The following DHX35 variants were observed in gnomAD, a reference collection of about 807,000 sequenced individuals.
DHX35 encodes the protein DEAH-box helicase 35.
DHX35 carries 84 observed loss-of-function variants against 99.6 expected under a neutral mutation model. That is an observed-to-expected ratio of 0.84 (90% CI 0.71 to 1.01). The LOEUF is 1.01. DHX35 is among the 50% of genes least tolerant of loss of function. DHX35 has a pLI of 0.00. For synonymous variants in DHX35, 331 were observed against 316.2 expected (o/e 1.05, Z -0.50); for missense variants, 852 against 888.5 (o/e 0.96, Z 0.52).
At chr20:39,027,099 C>T (rs1336986914) in intron 18 of DHX35, among the ~76,000 whole-genome samples, 1 of 152,150 alleles carries the variant, frequency 6.6e-6, no homozygotes, top group Non-Finnish European at 1.5e-5. Context: ...GAACCAGTTT[C>T]CACCCCTTTG....
chr20:39,038,533 A>G lies in DHX35; in HGVS notation c.2102A>G (p.Gln701Arg). 1 of 1,612,840 alleles carries G rather than the reference A, an allele frequency of 6.2e-7. No homozygotes were observed. The highest frequency in any genetic ancestry group is 8.5e-7 in the Non-Finnish European group (1 of 1,179,982). The change falls in exon 22 of 22, where the codon CAG (glutamine) becomes CGG (arginine). Residue 701 changes from glutamine (Q) to arginine (R), a missense_variant. Physicochemically the swap from Gln to Arg is conservative, Grantham distance 43 (BLOSUM62 1). Transcript: ENST00000252011. ...LSLKAKRAKVQDP is the reference protein window; with the variant it reads ...LSLKAKRAKVRDP ...CTGAAAGCCAAAAGGGCCAAGGTCC[A>G]GGACCCGTGAGAGGAGCCCACAGCT...
intron 8 of DHX35, among the ~76,000 whole-genome samples, chr20:38,997,046 T>TTTTATTTACTTATTTATTTA (rs1038691751): frequency 6.7e-6 from 1 of 148,910 alleles, no homozygotes; most frequent in African/African-American, 2.5e-5. Context: ...CTTAGATTCA[T>TTTTATTTACTTATTTATTTA]TTTATTTATT....
intron 20 of DHX35, among the ~76,000 whole-genome samples, chr20:39,033,962 G>A (rs575920944): frequency 5.3e-5 from 8 of 152,272 alleles, no homozygotes; most frequent in African/African-American, 1.2e-4. Context: ...AAGGTCCTTC[G>A]CGGATAACTG....
chr20:38,965,804 A>C (rs149923018), intron 1 of DHX35, among the ~76,000 whole-genome samples: 1 of 152,308 alleles, frequency 6.6e-6, no homozygotes, highest in East Asian at 1.9e-4. Context: ...TTTTCTACAA[A>C]AATCTTTTAC....
At chr20:39,035,104 C>T (rs1194681795) in intron 21 of DHX35, among the ~76,000 whole-genome samples, 1 of 151,440 alleles carries the variant, frequency 6.6e-6, no homozygotes, top group Non-Finnish European at 1.5e-5. Context: ...CAGAGTCTTG[C>T]CCTGTCATCC....
At chr20:38,989,562 C>CAAGAA (rs2086306220) in intron 5 of DHX35, among the ~76,000 whole-genome samples, 1 of 152,100 alleles carries the variant, frequency 6.6e-6, no homozygotes, top group East Asian at 1.9e-4. Context: ...GTGATAGGAC[C>CAAGAA]AAGACTCAAA....
intron 12 of DHX35, 42 bp from the exon 13 acceptor site, chr20:39,010,238 T>G: frequency 6.2e-7 from 1 of 1,613,862 alleles, no homozygotes. Flanking sequence ...TGCATTTGAT[T>G]GTGACATTTG....
intron 3 of DHX35, among the ~76,000 whole-genome samples, chr20:38,983,062 A>AT (rs2086197994): frequency 6.6e-6 from 1 of 151,956 alleles, no homozygotes; most frequent in Non-Finnish European, 1.5e-5. Flanking sequence ...AGTAGTCACG[A>AT]TTACAGGCAT....
intron 15 of DHX35, among the ~76,000 whole-genome samples, chr20:39,020,367 A>T (rs141596775): frequency 6.6e-6 from 1 of 152,242 alleles, no homozygotes; most frequent in East Asian, 1.9e-4. Context: ...TTCTGCCAGC[A>T]GTACACGAGG....
chr20:39,004,058 T>G, intron 11 of DHX35, 151 bp downstream of exon 11: 1 of 924,118 alleles, frequency 1.1e-6, no homozygotes, highest in Non-Finnish European at 1.6e-6. Context: ...AAATAATACA[T>G]TGTGAAGATT....
chr20:39,031,380 C>G (rs2087050376), intron 20 of DHX35, among the ~76,000 whole-genome samples: 1 of 147,876 alleles, frequency 6.8e-6, no homozygotes, highest in Admixed American at 6.8e-5. Context: ...GTCGCCCAGG[C>G]TGGAGTGCAG....
At chr20:39,035,289 C>T (rs897948418) in intron 21 of DHX35, among the ~76,000 whole-genome samples, 12 of 152,106 alleles carry the variant, frequency 7.9e-5, no homozygotes, top group African/African-American at 2.7e-4. Context: ...CCAGGCTGGT[C>T]TTGAACTCCT....
chr20:39,012,455 A>C (rs1253824772), intron 13 of DHX35, among the ~76,000 whole-genome samples: 1 of 152,188 alleles, frequency 6.6e-6, no homozygotes, highest in African/African-American at 2.4e-5. Context: ...AATTTCAACT[A>C]TCATTAGGAC....
Position 38,969,223 on chromosome 20 carries a change from A to G in DHX35, c.174+9A>G, listed in dbSNP as rs369702252. Reference sequence around the variant, plus strand: ...AGCTGCCGGTATTCAAGGTACGTCAAATAATCATGTTCAACCTGTGGGCTT... The same window carrying G: ...AGCTGCCGGTATTCAAGGTACGTCAGATAATCATGTTCAACCTGTGGGCTT... On this transcript the variant is annotated intron_variant, in intron 2 of 21. Transcript: ENST00000252011. The G allele has an allele frequency of 2.4e-5, 38 of 1,605,636 alleles. No individual in the cohort carries two copies. The highest frequency in any genetic ancestry group is 3.2e-5 in the Non-Finnish European group (38 of 1,174,420).
At chr20:39,036,725 C>CA (rs1568767807) in intron 21 of DHX35, among the ~76,000 whole-genome samples, 7 of 117,170 alleles carry the variant, frequency 6.0e-5, no homozygotes, top group Middle Eastern at 4.4e-3. Flanking sequence ...GACTGTCCCC[C>CA]CAAAAAAAAA....
intron 20 of DHX35, among the ~76,000 whole-genome samples, chr20:39,032,250 C>A (rs1214015366): frequency 6.6e-6 from 1 of 152,218 alleles, no homozygotes; most frequent in Non-Finnish European, 1.5e-5. Flanking sequence ...TGGCTCACTT[C>A]AATCTCCACC....
chr20:39,001,753 A>C lies in DHX35; in HGVS notation c.666A>C (p.Gln222His), dbSNP rs552231330. 1.2e-6 allele frequency: 2 copies of C among 1,610,760 alleles called. No homozygotes were observed. The highest frequency in any genetic ancestry group is 1.7e-6 in the Non-Finnish European group (2 of 1,179,180). Reference protein sequence around the residue: ...DADKFRDFFNQNETSDPARDT... With the variant: ...DADKFRDFFNHNETSDPARDT... ...AGAAATTCCGGGATTTCTTTAATCA[A>C]AATGAAACCAGTGATCCAGCAAGGG... Residue 222 changes from glutamine (Q) to histidine (H), a missense_variant, in exon 9 of 22, where the codon CAA (glutamine) becomes CAC (histidine). Transcript: ENST00000252011.
At chr20:38,969,805 A>G (rs1207133719) in intron 2 of DHX35, among the ~76,000 whole-genome samples, 1 of 152,244 alleles carries the variant, frequency 6.6e-6, no homozygotes, top group Non-Finnish European at 1.5e-5. Flanking sequence ...CTGTTCATTT[A>G]TGGCTAGCAA....
Position 38,992,356 on chromosome 20 carries a change from T to G in DHX35, c.513T>G (p.Ser171Arg). 1 of 1,614,018 alleles carries G rather than the reference T, an allele frequency of 6.2e-7. No homozygotes were observed. The highest frequency in any genetic ancestry group is 8.5e-7 in the Non-Finnish European group (1 of 1,179,906). The change falls in exon 7 of 22, where the codon AGT becomes AGG. Residue 171 changes from serine to arginine, a missense_variant and splice_region_variant. Coordinates refer to ENST00000252011, the MANE Select transcript of DHX35 (RefSeq NM_021931.4). ...MMVDPLLTKYSVIMLDEAHER... is the reference protein window; with the variant it reads ...MMVDPLLTKYRVIMLDEAHER... Reference sequence around the variant, plus strand: ...CTGAGAGCTTCTCTTTGATTCTTAGTGTCATCATGCTGGATGAAGCCCACG... The same window carrying G: ...CTGAGAGCTTCTCTTTGATTCTTAGGGTCATCATGCTGGATGAAGCCCACG...
Sources: allele counts gnomAD v4.1 joint callset (sites outside exome capture counted in the v4.1 genomes callset), GRCh38; gene constraint gnomAD v4.1.1; transcripts MANE v1.5; gene names NCBI Gene and HGNC (gene_info 2026-07-23, HGNC 2026-07-21).